Variants in UQCR11 observed in about 807,000 individuals in gnomAD.
UQCR11 encodes ubiquinol-cytochrome c reductase, complex III subunit XI.
In UQCR11, 10 loss-of-function variants were observed where a neutral mutation model predicts 7.6. The observed-to-expected ratio is 1.31, with a 90% CI of 0.81 to 2.22. The LOEUF (loss-of-function observed/expected upper bound fraction) is 2.22. Among genes scored for constraint, UQCR11 ranks in the 30% most tolerant of loss-of-function variants. UQCR11 has a pLI of 0.00. For missense variants in UQCR11, 86 were observed against 75.1 expected (o/e 1.15, Z -0.54); for synonymous variants, 34 against 34.9 (o/e 0.97, Z 0.09).
chr19:1,604,048 C>T (rs1357388470), intron 1 of UQCR11, among the ~76,000 whole-genome samples: 3 of 152,174 alleles, frequency 2.0e-5, no homozygotes, highest in Non-Finnish European at 2.9e-5. Flanking sequence ...CGGGTTTGAG[C>T]GATTCTCCTG....
In UQCR11 at chr19:1,597,750, C is replaced by G. The variant is rs1053052402; in HGVS notation, c.*494G>C. ...CTTAACTGCAACCTCATGAGAGACT[C>G]TGGGCCACAACCACCCAGATACATC... On this transcript the variant is annotated 3_prime_UTR_variant, in exon 3 of 3. Coordinates refer to ENST00000591899, the MANE Select transcript of UQCR11 (RefSeq NM_006830.4). 5.9e-5 allele frequency: 9 copies of G among 152,228 alleles called. No individual in the cohort carries two copies. Among genetic ancestry groups the G allele is most frequent in the African/African-American group, 1.4e-4 (6 of 41,448 alleles). 9.4% of individuals were successfully genotyped at this position (152,228 alleles called of 1,614,324 possible). A position where few individuals can be genotyped will look rare whatever the true frequency, so the allele number is the denominator to read the frequency against.
At chr19:1,598,267 G>C (rs2060737105) in intron 2 of UQCR11, 52 bp from the exon 3 acceptor site, 1 of 152,502 alleles carries the variant, frequency 6.6e-6, no homozygotes, top group East Asian at 1.9e-4. Context: ...CTTCCAGGCT[G>C]GGTGCAGTGG....
chr19:1,601,883 G>A lies in UQCR11; in HGVS notation c.51-2323C>T, dbSNP rs866892335. 3.3e-5 allele frequency among the ~76,000 whole-genome samples: 5 copies of A among 152,162 alleles called. No individual in the cohort carries two copies. The South Asian group carries it at 6.2e-4, about 19-fold the overall frequency. ...CTGAAATTAAAATCCAATTCCGGGC[G>A]GGGTGCGGCGGTTCACACCTGTAAT... On this transcript the variant is annotated intron_variant, in intron 1 of 2. Transcript: ENST00000591899.
intron 1 of UQCR11, among the ~76,000 whole-genome samples, chr19:1,601,060 T>C (rs1216032786): frequency 2.0e-5 from 3 of 151,964 alleles, no homozygotes; most frequent in Non-Finnish European, 4.4e-5. Context: ...TCCCAGCTAC[T>C]TGGGAGGCTG....
chr19:1,605,040 G>A (rs1196186837), intron 1 of UQCR11, among the ~76,000 whole-genome samples: 2 of 152,260 alleles, frequency 1.3e-5, no homozygotes, highest in African/African-American at 2.4e-5. Flanking sequence ...TGGGGATCGG[G>A]ACTCGGCACC....
chr19:1,599,450 T>C lies in UQCR11; in HGVS notation c.161A>G (p.Lys54Arg). Residue 54 changes from lysine (K) to arginine (R), a missense_variant, in exon 2 of 3, where the codon AAG becomes AGG. By Grantham distance (26) the Lys-to-Arg change is conservative. Transcript: ENST00000591899. Reference sequence around the variant, plus strand: ...GAAGGGTTTGTGTAATTAATTATCCTTCTTAAACTTGCCATTGATGTAAGG... The same window carrying C: ...GAAGGGTTTGTGTAATTAATTATCCCTCTTAAACTTGCCATTGATGTAAGG... Reference protein sequence around the residue: ...WVPYINGKFKKDN With the variant: ...WVPYINGKFKRDN 6.2e-7 allele frequency: 1 copy of C among 1,613,846 alleles called. No individual in the cohort carries two copies. Among genetic ancestry groups the C allele is most frequent in the East Asian group, 2.2e-5 (1 of 44,880 alleles).
Position 1,599,574 on chromosome 19 carries a change from G to A in UQCR11, c.51-14C>T. ...GCCGTCGGGACCCTGCGAGAGGAGA[G>A]GGGATGGTCAGGCCTGCTCTGGACC... is the stretch of plus-strand genomic sequence containing the variant. On this transcript the variant is annotated splice_polypyrimidine_tract_variant and intron_variant, in intron 1 of 2. Transcript: ENST00000591899. The A allele has an allele frequency of 6.2e-7, 1 of 1,606,102 alleles. No homozygotes were observed. The highest frequency in any genetic ancestry group is 2.2e-5 in the East Asian group (1 of 44,876).
rs1391443774 is a variant in UQCR11, at chr19:1,598,201, A to G, written c.*43T>C. 6.6e-6 allele frequency: 1 copy of G among 152,400 alleles called. No individual in the cohort carries two copies. The highest frequency in any genetic ancestry group is 2.4e-5 in the African/African-American group (1 of 41,476). The allele number at this position is 152,400 out of a possible 1,614,324, so 9.4% of individuals were successfully genotyped here. On this transcript the variant is annotated 3_prime_UTR_variant, in exon 3 of 3. Transcript: ENST00000591899. ...AGCAGGTGCTGAGGTGGGAGGAGCT[A>G]GCACCACCAGGCACCTGGAGGGAGA...
chr19:1,601,995 C>G (rs2060748607), intron 1 of UQCR11: 1 of 152,068 alleles, frequency 6.6e-6, no homozygotes, highest in African/African-American at 2.4e-5. Flanking sequence ...AACCTCATCT[C>G]TACTAAAAAT....
intron 1 of UQCR11, among the ~76,000 whole-genome samples, chr19:1,600,143 G>C (rs942317185): frequency 6.4e-5 from 9 of 141,340 alleles, no homozygotes; most frequent in Non-Finnish European, 9.6e-5. Context: ...CAGATTCTAG[G>C]AAGGCCCAGC....
At chr19:1,601,572 G>A (rs971197735) in intron 1 of UQCR11, among the ~76,000 whole-genome samples, 1 of 147,040 alleles carries the variant, frequency 6.8e-6, no homozygotes, top group Non-Finnish European at 1.5e-5. Context: ...TTGTACTCCA[G>A]CCTGGTGACA....
chr19:1,604,316 C>A (rs979734142), intron 1 of UQCR11, among the ~76,000 whole-genome samples: 1 of 152,082 alleles, frequency 6.6e-6, no homozygotes, highest in Non-Finnish European at 1.5e-5. Flanking sequence ...CAGGCTCAAA[C>A]GATCCTCCCA....
At chr19:1,601,886 G>T (rs985594013) in intron 1 of UQCR11, among the ~76,000 whole-genome samples, 2 of 152,312 alleles carry the variant, frequency 1.3e-5, no homozygotes, top group Non-Finnish European at 2.9e-5. Flanking sequence ...TCCGGGCGGG[G>T]TGCGGCGGTT....
At chr19:1,601,834 G>A (rs531482278) in intron 1 of UQCR11, among the ~76,000 whole-genome samples, 1 of 152,170 alleles carries the variant, frequency 6.6e-6, no homozygotes, top group South Asian at 2.1e-4. Flanking sequence ...ACAATTGCAG[G>A]TCCCACTGCT....
Position 1,605,422 on chromosome 19 carries a change from G to T in UQCR11, c.-13C>A. ...ACCGGGTCACCATCGCGGCGGAGTC[G>T]CACCCTCAGGATGACCCTGTCCAGC... is the stretch of plus-strand genomic sequence containing the variant. On this transcript the variant is annotated 5_prime_UTR_variant, in exon 1 of 3. Transcript: ENST00000591899. 1 of 1,441,316 alleles carries T rather than the reference G, an allele frequency of 6.9e-7. No individual in the cohort carries two copies. The highest frequency in any genetic ancestry group is 3.7e-5 in the East Asian group (1 of 27,126). 89.3% of individuals were successfully genotyped at this position (1,441,316 alleles called of 1,614,324 possible).
At chr19:1,603,580 C>T (rs377721745) in intron 1 of UQCR11, among the ~76,000 whole-genome samples, 17 of 152,090 alleles carry the variant, frequency 1.1e-4, no homozygotes, top group South Asian at 6.2e-4. Context: ...GCACTCCAGC[C>T]GGGGCGACAG....
chr19:1,603,156 G>A (rs2060752010), intron 1 of UQCR11, among the ~76,000 whole-genome samples: 1 of 152,180 alleles, frequency 6.6e-6, no homozygotes, highest in South Asian at 2.1e-4. Flanking sequence ...CCCCTCGCAC[G>A]CACGTGTCTG....
intron 1 of UQCR11, among the ~76,000 whole-genome samples, chr19:1,604,095 G>A (rs1239694943): frequency 2.0e-5 from 3 of 152,134 alleles, no homozygotes; most frequent in East Asian, 1.9e-4. Context: ...ACAGGCACGC[G>A]CCACCATACT....
At chr19:1,599,275 G>A (rs771984840) in intron 2 of UQCR11, 137 bp downstream of exon 2, 17 of 1,195,252 alleles carry the variant, frequency 1.4e-5, no homozygotes, top group Non-Finnish European at 1.7e-5. Context: ...GGCACCCAGG[G>A]CCCCACTCTC....
Sources: gnomAD v4.1 joint callset for allele counts (sites outside exome capture counted in the v4.1 genomes callset) on GRCh38, gnomAD v4.1.1 for gene constraint, MANE v1.5 for transcripts, NCBI Gene and HGNC (gene_info 2026-07-23, HGNC 2026-07-21) for gene names.